STAG1: variants seen among roughly 807,000 people sequenced by gnomAD.
STAG1 encodes the protein cohesin subunit SA-1.
In STAG1, 26 loss-of-function variants were observed where a neutral mutation model predicts 170.9. The ratio of observed to expected loss-of-function variants is 0.15; its 90% CI spans 0.11 to 0.21. STAG1 has a LOEUF of 0.21. Ranked by LOEUF, STAG1 falls within the 10% of genes least tolerant of loss-of-function variation. The pLI is 1.00. For synonymous variants in STAG1, 514 were observed against 497.7 expected (o/e 1.03, Z -0.44); for missense variants, 964 against 1,509.5 (o/e 0.64, Z 5.99).
chr3:136,646,974 A>C (rs924264351), intron 1 of STAG1, among the ~76,000 whole-genome samples: 4 of 152,146 alleles, frequency 2.6e-5, no homozygotes, highest in Non-Finnish European at 4.4e-5. Context: ...AATGTTCCCA[A>C]CACAAAGAAA....
intron 1 of STAG1, among the ~76,000 whole-genome samples, chr3:136,736,336 A>G (rs916099567): frequency 4.6e-5 from 7 of 152,202 alleles, no homozygotes; most frequent in Admixed American, 1.3e-4. Flanking sequence ...TCAATGCACA[A>G]AAGAATTACT....
intron 16 of STAG1, among the ~76,000 whole-genome samples, chr3:136,426,327 G>C (rs1021413866): frequency 6.6e-6 from 1 of 152,114 alleles, no homozygotes; most frequent in Admixed American, 6.6e-5. Context: ...AGAGAATGGC[G>C]TGAACCCCCA....
rs777438042 is a variant in STAG1, at chr3:136,645,336, C to T, written c.-83-14355G>A. ...CATGTGAGAGGTAGGTTTCCTGGTGCTAAACCTGCTTCCTTTCTTCCCCAA... is the reference window on the plus strand; with the variant it reads ...CATGTGAGAGGTAGGTTTCCTGGTGTTAAACCTGCTTCCTTTCTTCCCCAA... On this transcript the variant is annotated intron_variant, in intron 1 of 33. Coordinates refer to ENST00000383202, the MANE Select transcript of STAG1 (RefSeq NM_005862.3). 8.0e-4 allele frequency among the ~76,000 whole-genome samples: 122 copies of T among 152,100 alleles called. 1 individual carries two copies. The highest frequency in any genetic ancestry group is 2.2e-4 in the Non-Finnish European group (15 of 68,022).
intron 2 of STAG1, among the ~76,000 whole-genome samples, chr3:136,623,579 TTTTG>T (rs1240967900): frequency 1.3e-5 from 2 of 152,254 alleles, no homozygotes; most frequent in East Asian, 1.9e-4. Context: ...TTTTTATTTA[TTTTG>T]TTTATTTTAT....
intron 6 of STAG1, among the ~76,000 whole-genome samples, chr3:136,527,912 C>G (rs1019317461): frequency 6.6e-6 from 1 of 152,184 alleles, no homozygotes; most frequent in Non-Finnish European, 1.5e-5. Flanking sequence ...TATTGCTGAA[C>G]AGCAAATGTT....
chr3:136,685,085 C>T (rs1343199136), intron 1 of STAG1, among the ~76,000 whole-genome samples: 1 of 152,128 alleles, frequency 6.6e-6, no homozygotes, highest in African/African-American at 2.4e-5. Flanking sequence ...GAAGCCAAGG[C>T]AGGTGGATCA....
chr3:136,349,496 G>A (rs1265029808), intron 28 of STAG1, 133 bp from the exon 29 acceptor site: 2 of 668,958 alleles, frequency 3.0e-6, no homozygotes, highest in African/African-American at 3.6e-5. Context: ...TATTAACAGT[G>A]GTCACCTTTG....
chr3:136,586,254 A>G (rs766978062), intron 4 of STAG1, among the ~76,000 whole-genome samples: 1 of 139,746 alleles, frequency 7.2e-6, no homozygotes, highest in Non-Finnish European at 1.6e-5. Context: ...ATACATATAC[A>G]TATACACACA....
intron 26 of STAG1, among the ~76,000 whole-genome samples, chr3:136,362,161 G>A (rs1315401852): frequency 2.6e-5 from 4 of 151,320 alleles, no homozygotes; most frequent in Non-Finnish European, 5.9e-5. Context: ...GTTTCATCAT[G>A]TTGACCAGGC....
At chr3:136,451,505 C>CA (rs2088940717) in intron 14 of STAG1, among the ~76,000 whole-genome samples, 1 of 151,976 alleles carries the variant, frequency 6.6e-6, no homozygotes, top group African/African-American at 2.4e-5. Flanking sequence ...GGCTCATGAC[C>CA]ATAATCCCAG....
chr3:136,677,275 T>C (rs1269939219), intron 1 of STAG1, among the ~76,000 whole-genome samples: 3 of 152,184 alleles, frequency 2.0e-5, no homozygotes, highest in Admixed American at 6.6e-5. Flanking sequence ...ACCACAAACG[T>C]TGACTATTTT....
chr3:136,512,865 T>A (rs928736952), intron 7 of STAG1, among the ~76,000 whole-genome samples: 4 of 152,034 alleles, frequency 2.6e-5, no homozygotes, highest in African/African-American at 9.7e-5. Context: ...CTTTTTAGTA[T>A]CTCACTATCA....
At chr3:136,741,745 G>A (rs767691561) in intron 1 of STAG1, among the ~76,000 whole-genome samples, 38 of 152,178 alleles carry the variant, frequency 2.5e-4, no homozygotes, top group Non-Finnish European at 4.6e-4. Flanking sequence ...TGGGATTACA[G>A]GCATGAGTCA....
intron 22 of STAG1, among the ~76,000 whole-genome samples, chr3:136,381,874 G>T (rs1370761588): frequency 1.3e-5 from 2 of 152,168 alleles, no homozygotes; most frequent in Admixed American, 1.3e-4. Context: ...ATGTTACTCT[G>T]ATTCTGCTAA....
intron 16 of STAG1, among the ~76,000 whole-genome samples, chr3:136,431,543 T>G (rs1052527653): frequency 3.9e-5 from 6 of 152,236 alleles, no homozygotes; most frequent in Non-Finnish European, 8.8e-5. Flanking sequence ...GTGCTGGGAT[T>G]ACAGGCGTGA....
chr3:136,665,107 T>C (rs1365996563), intron 1 of STAG1, among the ~76,000 whole-genome samples: 2 of 152,194 alleles, frequency 1.3e-5, no homozygotes, highest in Non-Finnish European at 2.9e-5. Context: ...AACACTTATT[T>C]TGGAAGAAGT....
chr3:136,631,173 TCTCA>T (rs760158756), intron 1 of STAG1, among the ~76,000 whole-genome samples, 192 bp from the exon 2 acceptor site: 51 of 152,174 alleles, frequency 3.4e-4, no homozygotes, highest in Non-Finnish European at 7.2e-4. Context: ...ACTAAGATGT[TCTCA>T]CTAAGTAAAT....
intron 22 of STAG1, among the ~76,000 whole-genome samples, chr3:136,395,616 T>C (rs1301336883): frequency 1.3e-5 from 2 of 152,046 alleles, no homozygotes; most frequent in African/African-American, 4.8e-5. Flanking sequence ...AGAGTGAGAC[T>C]CCATCTCAAT....
chr3:136,417,583 T>C, intron 21 of STAG1: 1 of 250,722 alleles, frequency 4.0e-6, no homozygotes, highest in Non-Finnish European at 7.7e-6. Context: ...CAATTTTCAT[T>C]ATCCAAAGTT....
Sources: allele counts gnomAD v4.1 joint callset (sites outside exome capture counted in the v4.1 genomes callset), GRCh38; gene constraint gnomAD v4.1.1; transcripts MANE v1.5; gene names NCBI Gene and HGNC (gene_info 2026-07-23, HGNC 2026-07-21).